Variants in ME3 observed in about 807,000 individuals in gnomAD.
ME3 encodes malic enzyme 3, also known as NADP-dependent malic enzyme, mitochondrial.
In ME3, 48 loss-of-function variants were observed where a neutral mutation model predicts 68.9. That is an observed-to-expected ratio of 0.70 (90% CI 0.55 to 0.89). The LOEUF is 0.89. Among genes scored for constraint, ME3 ranks in the 40% least tolerant of loss-of-function variants. The pLI, the probability that ME3 is intolerant of heterozygous loss-of-function variation, is 0.00. For synonymous variants in ME3, 320 were observed against 318.8 expected (o/e 1.00, Z -0.04); for missense variants, 675 against 797.4 (o/e 0.85, Z 1.85).
intron 4 of ME3, 49 bp downstream of exon 4, chr11:86,556,504 C>T: frequency 6.4e-7 from 1 of 1,572,646 alleles, no homozygotes; most frequent in Non-Finnish European, 8.6e-7. Flanking sequence ...GAATTTATTC[C>T]CCTCTATGAG....
chr11:86,650,985 C>A (rs1945374642), intron 2 of ME3, among the ~76,000 whole-genome samples: 1 of 152,206 alleles, frequency 6.6e-6, no homozygotes, highest in African/African-American at 2.4e-5. Flanking sequence ...GCCCACAGAG[C>A]CTCACTCATT....
At chr11:86,626,062 G>A (rs760480188) in intron 2 of ME3, among the ~76,000 whole-genome samples, 1 of 152,172 alleles carries the variant, frequency 6.6e-6, no homozygotes, top group Non-Finnish European at 1.5e-5. Context: ...ATATAGATAT[G>A]ACAGAGGGGA....
chr11:86,520,790 T>G (rs1037049922), intron 4 of ME3, among the ~76,000 whole-genome samples: 1 of 152,224 alleles, frequency 6.6e-6, no homozygotes, highest in Admixed American at 6.5e-5. Context: ...TATTCCTTTC[T>G]CTGAATGTGA....
intron 2 of ME3, among the ~76,000 whole-genome samples, chr11:86,589,792 TGAA>T (rs1958955385): frequency 6.6e-6 from 1 of 152,234 alleles, no homozygotes. Flanking sequence ...CTTATTCTGA[TGAA>T]GAATGACATA....
At chr11:86,521,010 G>C (rs1259606130) in intron 4 of ME3, among the ~76,000 whole-genome samples, 1 of 152,132 alleles carries the variant, frequency 6.6e-6, no homozygotes, top group African/African-American at 2.4e-5. Context: ...AGACAGACCT[G>C]GGTTCAAAGC....
In ME3 at chr11:86,512,420, G is replaced by A. The variant is rs143674292; in HGVS notation, c.468-3553C>T. ...GAGGGCAAAGTGTGCATCTATTTTT[G>A]TTGTTATTATTCACCACTATATCCC... On this transcript the variant is annotated intron_variant, in intron 4 of 14. Transcript: ENST00000543262. Among the ~76,000 whole-genome samples the A allele has an allele frequency of 5.8e-3, 886 of 152,228 alleles. 13 individuals carry two copies. The highest frequency in any genetic ancestry group is 0.02 in the African/African-American group (826 of 41,512).
At chr11:86,450,301 C>T (rs758772257) in exon 9 of ME3, 6 of 1,613,992 alleles carry the variant, frequency 3.7e-6, no homozygotes, top group South Asian at 3.3e-5. Context: ...TGCCACATAC[C>T]TCGCCTGCAC....
At chr11:86,596,713 AAGATTCAATGACTTGGCCAAGGTCATGT>A (rs1565188393) in intron 2 of ME3, among the ~76,000 whole-genome samples, 2 of 152,236 alleles carry the variant, frequency 1.3e-5, no homozygotes, top group African/African-American at 4.8e-5. Flanking sequence ...AAATTTCAGA[AAGATTCAATGACTTGGCCAAGGTCATGT>A]AGGTAAGAAG....
intron 6 of ME3, among the ~76,000 whole-genome samples, chr11:86,491,373 G>T (rs940212006): frequency 6.6e-6 from 1 of 152,216 alleles, no homozygotes; most frequent in Non-Finnish European, 1.5e-5. Flanking sequence ...CTCACCCTCT[G>T]CCGGGTCCTC....
chr11:86,640,826 A>G (rs949112357), intron 2 of ME3, among the ~76,000 whole-genome samples: 8 of 151,918 alleles, frequency 5.3e-5, no homozygotes, highest in East Asian at 3.9e-4. Context: ...CTCCTCCCCA[A>G]TTCAGTGTTT....
chr11:86,469,877 AG>A (rs2138778504), intron 7 of ME3, among the ~76,000 whole-genome samples: 1 of 150,922 alleles, frequency 6.6e-6, no homozygotes, highest in Admixed American at 6.6e-5. Context: ...TCCAGTACTC[AG>A]GCAAGGGGAA....
chr11:86,475,587 A>G (rs779783992), intron 7 of ME3, among the ~76,000 whole-genome samples: 1 of 152,268 alleles, frequency 6.6e-6, no homozygotes, highest in Non-Finnish European at 1.5e-5. Flanking sequence ...AGGAAATTTC[A>G]TGAATTACAT....
chr11:86,594,623 G>C (rs1959187975), intron 2 of ME3, among the ~76,000 whole-genome samples: 1 of 146,078 alleles, frequency 6.8e-6, no homozygotes. Flanking sequence ...GAGCCCGAGA[G>C]GTCAACGCTG....
chr11:86,529,919 G>T (rs570206935), intron 4 of ME3, among the ~76,000 whole-genome samples: 1 of 152,318 alleles, frequency 6.6e-6, no homozygotes, highest in South Asian at 2.1e-4. Flanking sequence ...GCAAAAGCTG[G>T]AAGCATTCCC....
intron 2 of ME3, among the ~76,000 whole-genome samples, chr11:86,616,287 A>T (rs1942952752): frequency 1.3e-5 from 2 of 152,196 alleles, no homozygotes; most frequent in Admixed American, 1.3e-4. Flanking sequence ...TAAAACTTTT[A>T]TGATATTTAG....
At chr11:86,498,009 G>T in exon 6 of ME3, 1 of 1,612,666 alleles carries the variant, frequency 6.2e-7, no homozygotes, top group Non-Finnish European at 8.5e-7. Flanking sequence ...GCACTGCTGC[G>T]GGTTCACCCC....
At chr11:86,479,034 G>A (rs1256477092) in intron 7 of ME3, among the ~76,000 whole-genome samples, 1 of 152,144 alleles carries the variant, frequency 6.6e-6, no homozygotes, top group African/African-American at 2.4e-5. Flanking sequence ...GGTGTTTCTG[G>A]AAGAGACTGG....
intron 4 of ME3, among the ~76,000 whole-genome samples, chr11:86,528,254 A>G (rs1465977974): frequency 1.3e-5 from 2 of 152,224 alleles, no homozygotes; most frequent in African/African-American, 4.8e-5. Flanking sequence ...CAAAAGAGAC[A>G]AAGAAGGCCA....
chr11:86,614,235 A>C (rs1206404111), intron 2 of ME3, among the ~76,000 whole-genome samples: 1 of 152,234 alleles, frequency 6.6e-6, no homozygotes, highest in Non-Finnish European at 1.5e-5. Flanking sequence ...TGCCTCAGCT[A>C]ACAGACTGTG....
Sources: allele counts gnomAD v4.1 joint callset (sites outside exome capture counted in the v4.1 genomes callset), GRCh38; gene constraint gnomAD v4.1.1; transcripts MANE v1.5; gene names NCBI Gene and HGNC (gene_info 2026-07-23, HGNC 2026-07-21).